AOAH: variants seen among roughly 807,000 people sequenced by gnomAD.
AOAH encodes the protein acyloxyacyl hydrolase.
AOAH carries 64 observed loss-of-function variants against 92.2 expected under a neutral mutation model. The ratio of observed to expected loss-of-function variants is 0.69; its 90% CI spans 0.57 to 0.86. The LOEUF is 0.86. Among genes scored for constraint, AOAH ranks in the 40% least tolerant of loss-of-function variants. The pLI is 0.00. For synonymous variants in AOAH, 263 were observed against 254.5 expected (o/e 1.03, Z -0.32); for missense variants, 656 against 694.6 (o/e 0.94, Z 0.62).
intron 1 of AOAH, among the ~76,000 whole-genome samples, chr7:36,713,257 C>T (rs1409417205): frequency 6.6e-6 from 1 of 152,164 alleles, no homozygotes; most frequent in African/African-American, 2.4e-5. Context: ...GTAAAGGGAT[C>T]AATTCAACAA....
intron 6 of AOAH, among the ~76,000 whole-genome samples, chr7:36,625,770 G>A (rs1000609737): frequency 6.6e-6 from 1 of 152,136 alleles, no homozygotes; most frequent in African/African-American, 2.4e-5. Flanking sequence ...GGGAGCGGAG[G>A]GGAATGAAGC....
rs374472476 is a variant in AOAH at position 36,616,393 on chromosome 7, G to A, written c.833C>T (p.Ser278Leu). The A allele has an allele frequency of 3.6e-5, 58 of 1,613,568 alleles. No individual in the cohort carries two copies. The highest frequency in any genetic ancestry group is 8.0e-5 in the African/African-American group (6 of 74,916). Residue 278 changes from serine to leucine, a missense_variant, in exon 11 of 21, where the codon TCG becomes TTG. Coordinates refer to ENST00000617537, the MANE Select transcript of AOAH (RefSeq NM_001637.4). Reference protein sequence around the residue: ...FHISPEWITASQMSLNSFINL... With the variant: ...FHISPEWITALQMSLNSFINL... ...AAAATTACTTACCAAAGACATCTGC[G>A]ACGCTGTGATCCATTCAGGAGAGAT... is the stretch of plus-strand genomic sequence containing the variant.
chr7:36,528,621 G>C (rs1191640486), intron 19 of AOAH, among the ~76,000 whole-genome samples: 1 of 152,042 alleles, frequency 6.6e-6, no homozygotes, highest in Admixed American at 6.6e-5. Context: ...ATAGAGATGA[G>C]GTCTCTCTCT....
At chr7:36,562,234 C>T (rs1787326988) in intron 13 of AOAH, among the ~76,000 whole-genome samples, 3 of 152,116 alleles carry the variant, frequency 2.0e-5, no homozygotes, top group African/African-American at 7.2e-5. Context: ...TCTCTCCTTC[C>T]CCATCTCTAT....
intron 1 of AOAH, among the ~76,000 whole-genome samples, chr7:36,712,956 G>T (rs1172804959): frequency 2.0e-5 from 3 of 152,174 alleles, no homozygotes; most frequent in Non-Finnish European, 4.4e-5. Context: ...ATATCATAAT[G>T]ACAGGATCAA....
chr7:36,607,294 T>C (rs899626148), intron 11 of AOAH, among the ~76,000 whole-genome samples: 9 of 152,216 alleles, frequency 5.9e-5, no homozygotes, highest in Non-Finnish European at 5.9e-5. Flanking sequence ...CACTTGTTTT[T>C]CTACAGCATT....
chr7:36,517,216 C>CTCTTTT (rs1783808924), intron 20 of AOAH, among the ~76,000 whole-genome samples: 2 of 36,766 alleles, frequency 5.4e-5, no homozygotes, highest in Non-Finnish European at 1.3e-4. Context: ...CTTTCTTTCT[C>CTCTTTT]TTTCTTTCTG....
At chr7:36,702,911 C>T (rs1223513125) in intron 1 of AOAH, among the ~76,000 whole-genome samples, 3 of 152,120 alleles carry the variant, frequency 2.0e-5, no homozygotes, top group Non-Finnish European at 4.4e-5. Flanking sequence ...TAGAACTTTT[C>T]AAAATTGGAG....
At chr7:36,696,404 C>T (rs1797712661) in intron 1 of AOAH, among the ~76,000 whole-genome samples, 1 of 152,158 alleles carries the variant, frequency 6.6e-6, no homozygotes, top group South Asian at 2.1e-4. Flanking sequence ...TGACACATTT[C>T]TTCATTTCCA....
chr7:36,533,141 C>T (rs1244605628), intron 16 of AOAH, among the ~76,000 whole-genome samples: 1 of 152,046 alleles, frequency 6.6e-6, no homozygotes, highest in African/African-American at 2.4e-5. Context: ...TTCTCTCTTC[C>T]AACACCGCTC....
intron 19 of AOAH, among the ~76,000 whole-genome samples, chr7:36,524,472 C>T (rs1408815846): frequency 6.7e-6 from 1 of 149,330 alleles, no homozygotes; most frequent in East Asian, 2.0e-4. Flanking sequence ...TAGTGAAACC[C>T]CGTCTCTACT....
At chr7:36,679,605 TAC>T (rs67604719) in intron 2 of AOAH, among the ~76,000 whole-genome samples, 9 of 23,150 alleles carry the variant, frequency 3.9e-4, no homozygotes, top group African/African-American at 7.3e-4. Flanking sequence ...TATACATTAT[TAC>T]ATATGTATAA....
chr7:36,586,223 T>C (rs998268862), intron 12 of AOAH, among the ~76,000 whole-genome samples: 1 of 152,212 alleles, frequency 6.6e-6, no homozygotes, highest in African/African-American at 2.4e-5. Flanking sequence ...CTTGCTGCTA[T>C]TGCCCCATTT....
Position 36,710,856 on chromosome 7 carries a change from T to C in AOAH, c.127+13166A>G, listed in dbSNP as rs372705693. Reference sequence around the variant, plus strand: ...ATTTCTTTCTTGATTTCCAAAAGAATAGATAATCACAACCCTTTTGTGTCC... The same window carrying C: ...ATTTCTTTCTTGATTTCCAAAAGAACAGATAATCACAACCCTTTTGTGTCC... On this transcript the variant is annotated intron_variant, in intron 1 of 20. Coordinates refer to ENST00000617537, the MANE Select transcript of AOAH (RefSeq NM_001637.4). Among the ~76,000 whole-genome samples, 70 of 151,982 alleles carry C rather than the reference T, an allele frequency of 4.6e-4. 2 individuals are homozygous for C. In the East Asian group the frequency reaches 5.1e-3, roughly 11 times the overall value.
intron 2 of AOAH, among the ~76,000 whole-genome samples, chr7:36,678,920 C>G (rs1796472449): frequency 6.6e-6 from 1 of 152,120 alleles, no homozygotes; most frequent in Non-Finnish European, 1.5e-5. Flanking sequence ...TACATATTGA[C>G]AGTAGCTTAG....
At chr7:36,515,151 C>A (rs943970004) in intron 20 of AOAH, among the ~76,000 whole-genome samples, 6 of 142,040 alleles carry the variant, frequency 4.2e-5, no homozygotes, top group Non-Finnish European at 9.3e-5. Flanking sequence ...ACACCCCTCA[C>A]AACCCCACAC....
chr7:36,577,027 T>TC (rs1313553241), intron 12 of AOAH, among the ~76,000 whole-genome samples: 2 of 149,780 alleles, frequency 1.3e-5, no homozygotes, highest in East Asian at 1.9e-4. Flanking sequence ...TGCCTTTCTT[T>TC]TTTTTTTTTT....
intron 13 of AOAH, among the ~76,000 whole-genome samples, chr7:36,571,006 G>C (rs948673423): frequency 1.3e-5 from 2 of 152,178 alleles, no homozygotes; most frequent in Non-Finnish European, 2.9e-5. Flanking sequence ...ATACACCAAG[G>C]AAAGTGCAAT....
At chr7:36,704,968 A>C (rs548774217) in intron 1 of AOAH, among the ~76,000 whole-genome samples, 43 of 152,188 alleles carry the variant, frequency 2.8e-4, no homozygotes, top group Non-Finnish European at 5.9e-4. Context: ...AACACTCAAT[A>C]AACTAGGTAT....
Sources: allele counts gnomAD v4.1 joint callset (sites outside exome capture counted in the v4.1 genomes callset), GRCh38; gene constraint gnomAD v4.1.1; transcripts MANE v1.5; gene names NCBI Gene and HGNC (gene_info 2026-07-23, HGNC 2026-07-21).